SEMA3A: variants seen among roughly 807,000 people sequenced by gnomAD.
SEMA3A encodes the protein semaphorin 3A, also known as semaphorin-3A.
A neutral mutation model predicts 97.9 loss-of-function variants in SEMA3A; 29 were observed. The observed-to-expected ratio is 0.30, with a 90% confidence interval of 0.22 to 0.40. The LOEUF (loss-of-function observed/expected upper bound fraction) is 0.40. SEMA3A is among the 10% of genes least tolerant of loss of function. The pLI is 1.00. For missense variants in SEMA3A, 763 were observed against 951.3 expected (o/e 0.80, Z 2.60); for synonymous variants, 321 against 323.7 (o/e 0.99, Z 0.09).
rs781334495 is a variant in SEMA3A, at chr7:84,001,932, A to G, written c.1452+23T>C. The G allele has an allele frequency of 3.2e-6, 5 of 1,541,850 alleles. No individual in the cohort carries two copies. The East Asian group carries it at 9.0e-5, about 28-fold the overall frequency. The stretch of plus-strand genomic sequence containing the variant: ...AAGACGTACAACTGAACTTGTTGAC[A>G]CTTGAAATTAAGCAGCACTCACCCG... On this transcript the variant is annotated intron_variant, in intron 12 of 16. Transcript: ENST00000265362.
intron 3 of SEMA3A, among the ~76,000 whole-genome samples, chr7:84,245,573 C>T (rs1799458968): frequency 6.6e-6 from 1 of 151,438 alleles, no homozygotes; most frequent in Non-Finnish European, 1.5e-5. Context: ...TATTACCCAC[C>T]TTCTGCTTGT....
intron 6 of SEMA3A, among the ~76,000 whole-genome samples, chr7:84,042,974 T>C (rs568727868): frequency 1.5e-4 from 23 of 152,200 alleles, no homozygotes; most frequent in African/African-American, 5.5e-4. Flanking sequence ...AATTTTACTT[T>C]ATTTCCACAT....
chr7:84,472,271 C>T (rs1268895900), intron 1 of SEMA3A, among the ~76,000 whole-genome samples: 1 of 152,066 alleles, frequency 6.6e-6, no homozygotes, highest in Non-Finnish European at 1.5e-5. Context: ...CCCACTCCCC[C>T]ACTCGAACAC....
At chr7:84,347,120 C>G (rs1035385826) in intron 2 of SEMA3A, among the ~76,000 whole-genome samples, 2 of 152,096 alleles carry the variant, frequency 1.3e-5, no homozygotes, top group Non-Finnish European at 2.9e-5. Context: ...CTTTGGAAAA[C>G]AAGTCAGCAG....
At chr7:84,045,244 A>C (rs1413067549) in intron 6 of SEMA3A, among the ~76,000 whole-genome samples, 1 of 152,004 alleles carries the variant, frequency 6.6e-6, no homozygotes, top group Non-Finnish European at 1.5e-5. Flanking sequence ...TGAGATATTC[A>C]GGCATCTTAC....
chr7:84,476,501 G>A (rs1165372880), intron 1 of SEMA3A, among the ~76,000 whole-genome samples: 1 of 152,068 alleles, frequency 6.6e-6, no homozygotes, highest in Non-Finnish European at 1.5e-5. Context: ...AAATTAGACT[G>A]ACAGTGCTTA....
At chr7:84,427,186 A>C (rs1228893) in intron 1 of SEMA3A, among the ~76,000 whole-genome samples, 69,688 of 151,814 alleles carry the variant, frequency 0.46, 17,640 homozygotes, top group East Asian at 0.79. Flanking sequence ...CTCTGAGATT[A>C]ACTATGCTCA....
At chr7:84,337,045 C>T (rs775950231) in intron 2 of SEMA3A, among the ~76,000 whole-genome samples, 6 of 152,038 alleles carry the variant, frequency 3.9e-5, no homozygotes, top group Non-Finnish European at 8.8e-5. Context: ...TGAATCCTAG[C>T]TTACCAGATG....
At chr7:84,474,845 T>C (rs1289345449) in intron 1 of SEMA3A, among the ~76,000 whole-genome samples, 1 of 152,038 alleles carries the variant, frequency 6.6e-6, no homozygotes, top group African/African-American at 2.4e-5. Flanking sequence ...TAAATGTTTA[T>C]ATTTAGTCAG....
chr7:84,419,845 G>C (rs956573081), intron 1 of SEMA3A, among the ~76,000 whole-genome samples: 9 of 152,278 alleles, frequency 5.9e-5, no homozygotes, highest in Middle Eastern at 3.4e-3. Flanking sequence ...TTAACAGCCT[G>C]ATTAAGTATT....
Position 84,042,038 on chromosome 7 carries a change from C to T in SEMA3A, c.667+4286G>A, listed in dbSNP as rs138353091. Among the ~76,000 whole-genome samples, 144 of 152,178 alleles carry T rather than the reference C, an allele frequency of 9.5e-4. 1 individual carries two copies. Among genetic ancestry groups the T allele is most frequent in the South Asian group, 3.9e-3 (19 of 4,822 alleles). On this transcript the variant is annotated intron_variant, in intron 6 of 16. Transcript: ENST00000265362. ...TGATTTGAGATTGGGTATCTGGTAACGTGTAATGTTAACTTGCGTATTCAT... is the reference window on the plus strand; with the variant it reads ...TGATTTGAGATTGGGTATCTGGTAATGTGTAATGTTAACTTGCGTATTCAT...
intron 3 of SEMA3A, among the ~76,000 whole-genome samples, chr7:84,283,206 AGC>A (rs1419668237): frequency 6.6e-6 from 1 of 152,104 alleles, no homozygotes; most frequent in African/African-American, 2.4e-5. Context: ...AAATCTTCTC[AGC>A]ACACCCAACA....
chr7:83,961,571 A>C lies in SEMA3A; in HGVS notation c.2116T>G (p.Phe706Val). The C allele has an allele frequency of 6.2e-7, 1 of 1,614,108 alleles. No homozygotes were observed. The highest frequency in any genetic ancestry group is 8.5e-7 in the Non-Finnish European group (1 of 1,179,970). ...TTGGGGTGGTTGATGAGCTGCATGA[A>C]GTCTCTGTACCAGACCTTCTGGCTA... Reference protein sequence around the residue: ...TPSQKVWYRDFMQLINHPNLN... With the variant: ...TPSQKVWYRDVMQLINHPNLN... The change falls in exon 17 of 17, where the codon TTC becomes GTC. Residue 706 changes from phenylalanine to valine, a missense_variant. Coordinates refer to ENST00000265362, the MANE Select transcript of SEMA3A (RefSeq NM_006080.3).
intron 3 of SEMA3A, among the ~76,000 whole-genome samples, chr7:84,204,957 A>AATTT (rs1798452286): frequency 6.6e-6 from 1 of 152,204 alleles, no homozygotes; most frequent in African/African-American, 2.4e-5. Context: ...TGGCTTGCAC[A>AATTT]GAAAGAATCG....
chr7:84,183,722 T>G (rs187796095), intron 1 of SEMA3A, among the ~76,000 whole-genome samples: 1 of 152,174 alleles, frequency 6.6e-6, no homozygotes, highest in African/African-American at 2.4e-5. Flanking sequence ...AAAGTAAAAT[T>G]TTACCTTTTT....
intron 1 of SEMA3A, among the ~76,000 whole-genome samples, chr7:84,470,621 T>C (rs1166634906): frequency 3.3e-5 from 5 of 152,086 alleles, no homozygotes; most frequent in African/African-American, 4.8e-5. Flanking sequence ...GTAAGGCTCA[T>C]ATACAGATCA....
At chr7:84,052,643 T>C (rs1792734137) in intron 5 of SEMA3A, among the ~76,000 whole-genome samples, 1 of 152,160 alleles carries the variant, frequency 6.6e-6, no homozygotes, top group Admixed American at 6.5e-5. Context: ...TCAATTTTGT[T>C]GATCCTTTCA....
chr7:84,483,783 G>A (rs1806504074), intron 1 of SEMA3A, among the ~76,000 whole-genome samples: 2 of 152,016 alleles, frequency 1.3e-5, no homozygotes, highest in South Asian at 2.1e-4. Flanking sequence ...AATGGCTCAC[G>A]CCTGTAATCC....
chr7:84,181,313 G>A (rs1310274117), intron 1 of SEMA3A, among the ~76,000 whole-genome samples: 2 of 125,738 alleles, frequency 1.6e-5, no homozygotes, highest in Non-Finnish European at 3.4e-5. Flanking sequence ...TTTATATAAT[G>A]TTACAAATAT....
Sources: gnomAD v4.1 joint callset for allele counts (sites outside exome capture counted in the v4.1 genomes callset) on GRCh38, gnomAD v4.1.1 for gene constraint, MANE v1.5 for transcripts, NCBI Gene and HGNC (gene_info 2026-07-23, HGNC 2026-07-21) for gene names.